The following CIRBP variants were observed in gnomAD, a reference collection of about 807,000 sequenced individuals.
CIRBP encodes the protein cold-inducible RNA-binding protein.
A neutral mutation model predicts 22.3 loss-of-function variants in CIRBP; 11 were observed. The ratio of observed to expected loss-of-function variants is 0.49; its 90% CI spans 0.31 to 0.82. The LOEUF is 0.82. Ranked by LOEUF, CIRBP falls within the 40% of genes least tolerant of loss-of-function variation. The pLI, the probability that CIRBP is intolerant of heterozygous loss-of-function variation, is 0.05. For synonymous variants in CIRBP, 216 were observed against 158.8 expected (o/e 1.36, Z -2.71); for missense variants, 456 against 402.7 (o/e 1.13, Z -1.13).
In CIRBP at chr19:1,270,963, TGGAG is replaced by T; in HGVS notation, c.33_36del (p.Gly12Ter). The stretch of plus-strand genomic sequence containing the variant: ...CATCAGATGAAGGCAAACTTTTTGT[TGGAG>T]GGCTGAGTTTTGACACCAATGAGCA... On this transcript the variant is annotated frameshift_variant, in exon 2 of 6. Transcript: ENST00000587896. LOFTEE classifies it high-confidence loss of function. 1 of 1,614,052 alleles carries T rather than the reference TGGAG, an allele frequency of 6.2e-7. No homozygotes were observed. Among genetic ancestry groups the T allele is most frequent in the Non-Finnish European group, 8.5e-7 (1 of 1,180,008 alleles).
Position 1,271,622 on chromosome 19 carries a change from T to G in CIRBP, c.421T>G (p.Tyr141Asp), listed in dbSNP as rs1387120767. The change falls in exon 5 of 6, where the codon TAC becomes GAC. Residue 141 changes from tyrosine to aspartate, a missense_variant. Coordinates refer to ENST00000587896, the MANE Select transcript of CIRBP (RefSeq NM_001300829.2). ...TGGGGGCTACGGAGGCTCCAGAGAC[T>G]ACTATAGCAGGTGAGGGGGAGGCCG... is the stretch of plus-strand genomic sequence containing the variant. The part of the protein sequence containing the change: ...RSGGYGGSRD[Y>D]YSSRSQSGGY... 7 of 1,528,512 alleles carry G rather than the reference T, an allele frequency of 4.6e-6. No individual in the cohort carries two copies. Among genetic ancestry groups the G allele is most frequent in the East Asian group, 2.3e-5 (1 of 44,230 alleles). The allele number at this position is 1,528,512 out of a possible 1,614,324, so 94.7% of individuals were successfully genotyped here. A position where few individuals can be genotyped will look rare whatever the true frequency, so the allele number is the denominator to read the frequency against.
At position 1,274,652 on chromosome 19, in the gene CIRBP, G is replaced by T. The variant is rs1387516582; in HGVS notation, c.*2209G>T. On this transcript the variant is annotated 3_prime_UTR_variant, in exon 6 of 6. Coordinates refer to ENST00000587896, the MANE Select transcript of CIRBP (RefSeq NM_001300829.2). ...CCTCCCTTCCTCCTCCTTCCAGGAG[G>T]CGCTTCGCCAGTGAGGTGCGGGCTC... The T allele has an allele frequency of 1.3e-5, 3 of 227,582 alleles. No individual in the cohort carries two copies. Among genetic ancestry groups the T allele is most frequent in the African/African-American group, 6.8e-5 (3 of 44,154 alleles). The allele number at this position is 227,582 out of a possible 1,614,324, so 14.1% of individuals were successfully genotyped here. A position where few individuals can be genotyped will look rare whatever the true frequency, so the allele number is the denominator to read the frequency against.
At chr19:1,269,653 G>C (rs1489504340) in intron 1 of CIRBP, among the ~76,000 whole-genome samples, 1 of 152,012 alleles carries the variant, frequency 6.6e-6, no homozygotes. Flanking sequence ...CGAGCTCGAG[G>C]CTGTGCCCAG....
chr19:1,271,746 C>T, intron 5 of CIRBP, 114 bp downstream of exon 5: 1 of 762,588 alleles, frequency 1.3e-6, no homozygotes, highest in Non-Finnish European at 2.1e-6. Flanking sequence ...GGAGCAGAGG[C>T]AGGTGGGGAC....
rs374014782 is a variant in CIRBP, at chr19:1,273,038, G to A, written c.*595G>A. 2 of 152,316 alleles carry A rather than the reference G, an allele frequency of 1.3e-5. No individual in the cohort carries two copies. Among genetic ancestry groups the A allele is most frequent in the East Asian group, 1.9e-4 (1 of 5,204 alleles). The allele number at this position is 152,316 out of a possible 1,614,324, so 9.4% of individuals were successfully genotyped here. The stretch of plus-strand genomic sequence containing the variant: ...ACGTCCCTGAGAGGTTCTTGAAGAT[G>A]TTTATTTATATTGTCCTTTTTTACT... On this transcript the variant is annotated 3_prime_UTR_variant, in exon 6 of 6. Transcript: ENST00000587896.
chr19:1,270,278 G>A, intron 1 of CIRBP: 1 of 367,590 alleles, frequency 2.7e-6, no homozygotes, highest in South Asian at 2.0e-5. Flanking sequence ...GCAGAAGCAC[G>A]TTCTGGTCCA....
chr19:1,270,108 C>G (rs769029018), intron 1 of CIRBP: 3 of 519,396 alleles, frequency 5.8e-6, no homozygotes, highest in African/African-American at 3.8e-5. Flanking sequence ...CTTCCCCTGC[C>G]TGGAAATCCT....
chr19:1,270,425 C>T (rs1018717239), intron 1 of CIRBP, among the ~76,000 whole-genome samples: 2 of 152,064 alleles, frequency 1.3e-5, no homozygotes, highest in African/African-American at 4.8e-5. Context: ...GAAATGGGTG[C>T]GGCCTGCCTT....
At position 1,274,128 on chromosome 19, in the gene CIRBP, C is replaced by T. The variant is rs930302219; in HGVS notation, c.*1685C>T. The T allele has an allele frequency of 5.1e-6, 2 of 392,028 alleles. No homozygotes were observed. The highest frequency in any genetic ancestry group is 9.0e-6 in the Non-Finnish European group (2 of 222,390). 24.3% of individuals were successfully genotyped at this position (392,028 alleles called of 1,614,324 possible). On this transcript the variant is annotated 3_prime_UTR_variant, in exon 6 of 6. Coordinates refer to ENST00000587896, the MANE Select transcript of CIRBP (RefSeq NM_001300829.2). The stretch of plus-strand genomic sequence containing the variant: ...TCCATCCCATACGGGTAGCTGGCTC[C>T]AGCTGCGCCAAGGTGCAGACCCGCC...
chr19:1,270,769 A>G, intron 1 of CIRBP, 159 bp from the exon 2 acceptor site: 1 of 645,826 alleles, frequency 1.5e-6, no homozygotes, highest in Non-Finnish European at 2.7e-6. Context: ...CCCGACCCCA[A>G]AAAAATAAGT....
Position 1,272,993 on chromosome 19 carries a change from G to T in CIRBP, c.*550G>T. ...GCCCCTGCGTCCATCTGTGCTGTGC[G>T]CCCCACAGTAGACGTGCAGACGTCC... On this transcript the variant is annotated 3_prime_UTR_variant, in exon 6 of 6. Coordinates refer to ENST00000587896, the MANE Select transcript of CIRBP (RefSeq NM_001300829.2). The T allele has an allele frequency of 6.5e-6, 1 of 153,120 alleles. No individual in the cohort carries two copies. Among genetic ancestry groups the T allele is most frequent in the Non-Finnish European group, 1.5e-5 (1 of 68,582 alleles). The allele number at this position is 153,120 out of a possible 1,614,324, so 9.5% of individuals were successfully genotyped here. A position where few individuals can be genotyped will look rare whatever the true frequency, so the allele number is the denominator to read the frequency against.
At position 1,272,170 on chromosome 19, in the gene CIRBP, A is replaced by G. The variant is rs950277079; in HGVS notation, c.621A>G (p.Pro207=). The G allele has an allele frequency of 1.2e-6, 2 of 1,605,022 alleles. No homozygotes were observed. Among genetic ancestry groups the G allele is most frequent in the Non-Finnish European group, 8.5e-7 (1 of 1,176,314 alleles). Reference sequence around the variant, plus strand: ...TCAGACCTTGTCACTGTGCTTGCCCAGAAGAGGCGCATCTGTCCTCTCAGA... The same window carrying G: ...TCAGACCTTGTCACTGTGCTTGCCCGGAAGAGGCGCATCTGTCCTCTCAGA... ...WTLRPCHCAC[P]EEAHLSSQSH... Residue 207 remains proline, a synonymous_variant, in exon 6 of 6, where the codon CCA becomes CCG. Transcript: ENST00000587896.
chr19:1,271,530 C>G (rs4807050), intron 4 of CIRBP, 21 bp from the exon 5 acceptor site: 30 of 1,593,556 alleles, frequency 1.9e-5, no homozygotes, highest in Non-Finnish European at 2.3e-5. Context: ...AGCTGGTACT[C>G]ACTTTTTCCT....
intron 1 of CIRBP, chr19:1,269,682 G>A (rs926355147): frequency 3.3e-6 from 1 of 306,486 alleles, no homozygotes; most frequent in South Asian, 2.5e-5. Flanking sequence ...CGGGAGCGCC[G>A]AGTTCCCGGA....
chr19:1,269,647 C>T (rs2081299330), intron 1 of CIRBP, among the ~76,000 whole-genome samples: 1 of 151,952 alleles, frequency 6.6e-6, no homozygotes, highest in Non-Finnish European at 1.5e-5. Flanking sequence ...CGGCCGCGAG[C>T]TCGAGGCTGT....
chr19:1,269,898 G>A (rs2081307066), intron 1 of CIRBP: 2 of 519,824 alleles, frequency 3.8e-6, no homozygotes, highest in Non-Finnish European at 7.7e-6. Flanking sequence ...TTGGGTAGGC[G>A]TGGCCCGTTC....
rs1364239683 is a variant in CIRBP, at chr19:1,271,029, C to G, written c.96C>G (p.Ile32Met). ...AGGTCTTCTCAAAGTACGGACAGAT[C>G]TCTGAAGGTGAGGCTGCTGCTGGGC... ...LEQVFSKYGQ[I>M]SEVVVVKDRE... Residue 32 changes from isoleucine to methionine, a missense_variant, in exon 2 of 6, where the codon ATC (isoleucine) becomes ATG (methionine). This residue lies in a region of CIRBP where 30 missense variants were observed against 63.1 expected (regional missense o/e 0.48). Transcript: ENST00000587896. 6.2e-7 allele frequency: 1 copy of G among 1,613,878 alleles called. No homozygotes were observed. The highest frequency in any genetic ancestry group is 2.2e-5 in the East Asian group (1 of 44,882).
chr19:1,269,807 A>G (rs1411194822), intron 1 of CIRBP: 5 of 515,882 alleles, frequency 9.7e-6, no homozygotes, highest in South Asian at 2.8e-5. Flanking sequence ...GTATCCACAC[A>G]CCAACGCTTT....
chr19:1,271,773 G>A, intron 5 of CIRBP, 141 bp downstream of exon 5: 1 of 707,986 alleles, frequency 1.4e-6, no homozygotes, highest in South Asian at 1.9e-5. Context: ...CAAGAGGAGA[G>A]GAGACTGCTC....
Sources: gnomAD v4.1 joint callset for allele counts (sites outside exome capture counted in the v4.1 genomes callset) on GRCh38, gnomAD v4.1.1 for gene constraint, gnomAD v4.1.1 regional missense constraint, MANE v1.5 for transcripts, NCBI Gene and HGNC (gene_info 2026-07-23, HGNC 2026-07-21) for gene names.